Variants in NAPB observed in about 807,000 individuals in gnomAD.
The protein encoded by NAPB is NSF attachment protein beta, also known as beta-soluble NSF attachment protein.
NAPB carries 26 observed loss-of-function variants against 44.7 expected under a neutral mutation model. The observed-to-expected ratio is 0.58, with a 90% CI of 0.43 to 0.81. The LOEUF is 0.81. Ranked by LOEUF, NAPB falls within the 30% of genes least tolerant of loss-of-function variation. NAPB has a pLI of 0.00. For synonymous variants in NAPB, 120 were observed against 116.8 expected (o/e 1.03, Z -0.18); for missense variants, 315 against 356.4 (o/e 0.88, Z 0.94).
chr20:23,417,100 T>TC (rs2123271640), intron 1 of NAPB, among the ~76,000 whole-genome samples: 1 of 151,816 alleles, frequency 6.6e-6, no homozygotes, highest in Admixed American at 6.6e-5. Flanking sequence ...TTTTTTTTTT[T>TC]TGAGACGGAG....
At chr20:23,382,273 G>A (rs1983070583) in intron 7 of NAPB, among the ~76,000 whole-genome samples, 1 of 152,188 alleles carries the variant, frequency 6.6e-6, no homozygotes, top group Admixed American at 6.5e-5. Flanking sequence ...CCTCCACCTG[G>A]CAGTAATGAG....
At chr20:23,396,527 A>C (rs547405063) in intron 3 of NAPB, among the ~76,000 whole-genome samples, 2 of 152,374 alleles carry the variant, frequency 1.3e-5, no homozygotes, top group South Asian at 2.1e-4. Context: ...AAAAAGAAAT[A>C]ATCTTTGCAA....
At chr20:23,406,428 G>A (rs79149908) in intron 1 of NAPB, among the ~76,000 whole-genome samples, 2,265 of 152,092 alleles carry the variant, frequency 0.015, 60 homozygotes, top group African/African-American at 0.052. Flanking sequence ...TTAAATCAGT[G>A]AATTGTACGG....
Position 23,419,206 on chromosome 20 carries a change from T to A in NAPB, c.98+2099A>T, listed in dbSNP as rs565552156. On this transcript the variant is annotated intron_variant, in intron 1 of 10. Coordinates refer to ENST00000377026, the MANE Select transcript of NAPB (RefSeq NM_022080.3). ...GAAACTGAAGCACAGAGAGGCTAAGTAACTTGCCCTAGGTCCCAAAGCTAG... is the reference window on the plus strand; with the variant it reads ...GAAACTGAAGCACAGAGAGGCTAAGAAACTTGCCCTAGGTCCCAAAGCTAG... Among the ~76,000 whole-genome samples the A allele has an allele frequency of 3.7e-4, 57 of 152,302 alleles. No homozygotes were observed. In the South Asian group the frequency reaches 8.5e-3, roughly 23 times the overall value.
In NAPB at chr20:23,390,028, G is replaced by C; in HGVS notation, c.479C>G (p.Ser160Ter). The change falls in exon 7 of 11, where the codon TCA becomes TGA. Residue 160 changes from serine to a stop codon, truncating the protein, a stop_gained and splice_region_variant. Transcript: ENST00000377026. LOFTEE classifies it high-confidence loss of function. Reference sequence around the variant, plus strand: ...CACCTTCAGCAGACACTTGTTTGCTGAGCTGAAATCAAGAACCAAAGCAGA... The same window carrying C: ...CACCTTCAGCAGACACTTGTTTGCTCAGCTGAAATCAAGAACCAAAGCAGA... The part of the protein sequence containing the change: ...DYYKGEESNS[S>*]ANKCLLKVAA... 1 of 1,613,904 alleles carries C rather than the reference G, an allele frequency of 6.2e-7. No homozygotes were observed. Among genetic ancestry groups the C allele is most frequent in the Non-Finnish European group, 8.5e-7 (1 of 1,179,936 alleles).
At chr20:23,394,898 T>C in intron 5 of NAPB, 24 bp downstream of exon 5, 3 of 1,606,692 alleles carry the variant, frequency 1.9e-6, no homozygotes, top group Non-Finnish European at 2.6e-6. Flanking sequence ...GCTTCACATC[T>C]GAGGAAGTGT....
chr20:23,405,668 G>A (rs1294450580), intron 1 of NAPB, among the ~76,000 whole-genome samples: 3 of 152,198 alleles, frequency 2.0e-5, no homozygotes, highest in Non-Finnish European at 4.4e-5. Flanking sequence ...AGGATGCACT[G>A]AGCCGAGATA....
At chr20:23,417,119 G>A (rs572851428) in intron 1 of NAPB, among the ~76,000 whole-genome samples, 8 of 142,924 alleles carry the variant, frequency 5.6e-5, no homozygotes, top group Admixed American at 3.0e-4. Context: ...AGTCTCGCTC[G>A]GGGGCCCAGG....
intron 1 of NAPB, among the ~76,000 whole-genome samples, chr20:23,420,809 G>GCC (rs66487020): frequency 0.013 from 1,898 of 148,728 alleles, 38 homozygotes; most frequent in African/African-American, 0.043. Flanking sequence ...GAGGCTGACA[G>GCC]CCCCCCCCCC....
Position 23,377,202 on chromosome 20 carries a change from C to G in NAPB, c.*174G>C. 7.9e-6 allele frequency: 3 copies of G among 379,572 alleles called. No individual in the cohort carries two copies. Among genetic ancestry groups the G allele is most frequent in the Non-Finnish European group, 1.4e-5 (3 of 211,186 alleles). The allele number at this position is 379,572 out of a possible 1,614,324, so 23.5% of individuals were successfully genotyped here. ...ATCATTACCACAAGATGAACAGGAGCCTCTCCTTCATTCATTTCACAGCAA... is the reference window on the plus strand; with the variant it reads ...ATCATTACCACAAGATGAACAGGAGGCTCTCCTTCATTCATTTCACAGCAA... On this transcript the variant is annotated 3_prime_UTR_variant, in exon 11 of 11. Coordinates refer to ENST00000377026, the MANE Select transcript of NAPB (RefSeq NM_022080.3).
chr20:23,410,669 C>A (rs1365546235), intron 1 of NAPB, among the ~76,000 whole-genome samples: 1 of 151,718 alleles, frequency 6.6e-6, no homozygotes, highest in South Asian at 2.1e-4. Context: ...GCATATGTAC[C>A]CCCTGACTCT....
At position 23,377,147 on chromosome 20, in the gene NAPB, C is replaced by G. The variant is rs927654345; in HGVS notation, c.*229G>C. ...ATTCTGAAGTACTTCTCAGAAAACGCTGGGGGTTCTGATAAGCATGAAACA... is the reference window on the plus strand; with the variant it reads ...ATTCTGAAGTACTTCTCAGAAAACGGTGGGGGTTCTGATAAGCATGAAACA... On this transcript the variant is annotated 3_prime_UTR_variant, in exon 11 of 11. Coordinates refer to ENST00000377026, the MANE Select transcript of NAPB (RefSeq NM_022080.3). 6.4e-6 allele frequency: 2 copies of G among 310,432 alleles called. No individual in the cohort carries two copies. Among genetic ancestry groups the G allele is most frequent in the African/African-American group, 4.3e-5 (2 of 46,818 alleles). The allele number at this position is 310,432 out of a possible 1,614,324, so 19.2% of individuals were successfully genotyped here.
intron 7 of NAPB, among the ~76,000 whole-genome samples, chr20:23,389,263 T>C (rs1050686743): frequency 6.2e-5 from 8 of 129,822 alleles, no homozygotes; most frequent in African/African-American, 9.3e-5. Context: ...CCAAAACAAG[T>C]ATTGGTGAGG....
chr20:23,401,812 C>A (rs1984873779), intron 2 of NAPB, among the ~76,000 whole-genome samples: 1 of 152,190 alleles, frequency 6.6e-6, no homozygotes, highest in Non-Finnish European at 1.5e-5. Flanking sequence ...GCCCCAGAGG[C>A]AGAGATTGCA....
At chr20:23,415,916 A>G (rs930852246) in intron 1 of NAPB, among the ~76,000 whole-genome samples, 10 of 152,172 alleles carry the variant, frequency 6.6e-5, no homozygotes, top group Admixed American at 4.6e-4. Flanking sequence ...AAGTGAGCAG[A>G]TATCTCGCCA....
In NAPB at chr20:23,419,488, C is replaced by T. The variant is rs184135591; in HGVS notation, c.98+1817G>A. Among the ~76,000 whole-genome samples, 109 of 152,312 alleles carry T rather than the reference C, an allele frequency of 7.2e-4. 1 individual carries two copies. The South Asian group carries it at 7.7e-3, about 11-fold the overall frequency. The stretch of plus-strand genomic sequence containing the variant: ...AGGAGTGTTCTCCTGAGACAAGCAC[C>T]AAGTGCTGTCAAGCTTTTTCCTCTG... On this transcript the variant is annotated intron_variant, in intron 1 of 10. Transcript: ENST00000377026.
At chr20:23,397,253 G>A (rs1277398855) in intron 2 of NAPB, 65 bp from the exon 3 acceptor site, 25 of 1,509,600 alleles carry the variant, frequency 1.7e-5, no homozygotes, top group Non-Finnish European at 2.1e-5. Flanking sequence ...CATGCTGTAA[G>A]CACTGGACCT....
intron 1 of NAPB, among the ~76,000 whole-genome samples, chr20:23,407,592 A>G (rs115472815): frequency 2.4e-3 from 372 of 152,066 alleles, no homozygotes; most frequent in African/African-American, 8.6e-3. Flanking sequence ...GGCAAGGCAG[A>G]CTCTCTTCTT....
At chr20:23,406,275 G>A (rs1225226270) in intron 1 of NAPB, among the ~76,000 whole-genome samples, 1 of 152,166 alleles carries the variant, frequency 6.6e-6, no homozygotes, top group South Asian at 2.1e-4. Context: ...ATCTAGAGGT[G>A]GGAGTGTTGG....
Sources: allele counts gnomAD v4.1 joint callset (sites outside exome capture counted in the v4.1 genomes callset), GRCh38; gene constraint gnomAD v4.1.1; transcripts MANE v1.5; gene names NCBI Gene and HGNC (gene_info 2026-07-23, HGNC 2026-07-21).